ABCB1: variants seen among roughly 807,000 people sequenced by gnomAD.
ABCB1 encodes the protein ATP binding cassette subfamily B member 1.
Under a neutral mutation model 142.0 loss-of-function variants are expected in ABCB1, and 69 were observed. That is an observed-to-expected ratio of 0.49 (90% CI 0.40 to 0.59). The LOEUF is 0.59. ABCB1 is among the 20% of genes least tolerant of loss of function. The pLI, the probability that ABCB1 is intolerant of heterozygous loss-of-function variation, is 0.00. For synonymous variants in ABCB1, 532 were observed against 539.2 expected (o/e 0.99, Z 0.18); for missense variants, 1,326 against 1,554.7 (o/e 0.85, Z 2.47).
At chr7:87,637,010 G>A (rs541064023) in intron 1 of ABCB1, among the ~76,000 whole-genome samples, 1 of 152,276 alleles carries the variant, frequency 6.6e-6, no homozygotes, top group South Asian at 2.1e-4. Context: ...AAAGGGGGAA[G>A]CCCCTTATAA....
At chr7:87,552,836 C>T (rs1044135317) in intron 9 of ABCB1, among the ~76,000 whole-genome samples, 5 of 151,828 alleles carry the variant, frequency 3.3e-5, no homozygotes, top group African/African-American at 1.2e-4. Context: ...TCTGCTTGGC[C>T]TACGAAAAAG....
chr7:87,588,398 C>T lies in ABCB1; in HGVS notation c.118-2718G>A, dbSNP rs535035291. Among the ~76,000 whole-genome samples the T allele has an allele frequency of 7.9e-5, 12 of 152,286 alleles. No individual in the cohort carries two copies. In the East Asian group the frequency reaches 1.9e-3, roughly 24 times the overall value. On this transcript the variant is annotated intron_variant, in intron 3 of 27. Coordinates refer to ENST00000622132, the MANE Select transcript of ABCB1 (RefSeq NM_001348946.2). ...CCTCTAGGTGTCCATGTGTTCTCAT[C>T]ATTTAGCTCCCACTTTTAAGTGAGA...
At chr7:87,665,813 T>C (rs1825173926) in intron 1 of ABCB1, among the ~76,000 whole-genome samples, 1 of 152,122 alleles carries the variant, frequency 6.6e-6, no homozygotes, top group African/African-American at 2.4e-5. Flanking sequence ...GTTCCCGCAT[T>C]ATTTCACTTA....
intron 1 of ABCB1, among the ~76,000 whole-genome samples, chr7:87,658,614 G>T (rs1260934368): frequency 6.6e-6 from 1 of 152,024 alleles, no homozygotes; most frequent in Non-Finnish European, 1.5e-5. Flanking sequence ...TAAAGACAAA[G>T]AAAAAATGTT....
chr7:87,600,310 T>A (rs1221607524), intron 1 of ABCB1, 120 bp from the exon 2 acceptor site: 4 of 795,230 alleles, frequency 5.0e-6, no homozygotes, highest in Non-Finnish European at 8.6e-6. Flanking sequence ...CCGCCGTTGA[T>A]GCCCCAGCTG....
intron 1 of ABCB1, among the ~76,000 whole-genome samples, chr7:87,611,631 A>C (rs1203378138): frequency 6.6e-6 from 1 of 151,794 alleles, no homozygotes; most frequent in Non-Finnish European, 1.5e-5. Context: ...GTTAATAAGC[A>C]CCTAGGTTGA....
At chr7:87,547,744 C>T (rs1816848569) in intron 14 of ABCB1, among the ~76,000 whole-genome samples, 1 of 150,672 alleles carries the variant, frequency 6.6e-6, no homozygotes, top group Admixed American at 6.7e-5. Flanking sequence ...GCGGTGCATG[C>T]CTGTAATCCT....
At chr7:87,653,652 G>T (rs1823800034) in intron 1 of ABCB1, among the ~76,000 whole-genome samples, 1 of 151,862 alleles carries the variant, frequency 6.6e-6, no homozygotes, top group African/African-American at 2.4e-5. Context: ...TCTTTTTTCT[G>T]CTACTTTTTT....
rs949311722 is a variant in ABCB1, at chr7:87,679,610, G to A, written c.-331+33551C>T. 5.3e-5 allele frequency among the ~76,000 whole-genome samples: 8 copies of A among 150,028 alleles called. No individual in the cohort carries two copies. The South Asian group carries it at 1.5e-3, about 28-fold the overall frequency. On this transcript the variant is annotated intron_variant, in intron 1 of 28. Transcript: ENST00000265724. ...TCACTATGTTGCCCTGGCTGGTCTCGAACTACTGGGCTCAAGTGGTCCTCT... is the reference window on the plus strand; with the variant it reads ...TCACTATGTTGCCCTGGCTGGTCTCAAACTACTGGGCTCAAGTGGTCCTCT...
chr7:87,556,684 G>A (rs1817326292), intron 8 of ABCB1, among the ~76,000 whole-genome samples: 1 of 152,144 alleles, frequency 6.6e-6, no homozygotes, highest in South Asian at 2.1e-4. Context: ...TGGTCTCCCT[G>A]CTTCCACCCT....
Position 87,518,417 on chromosome 7 carries a change from T to A in ABCB1, c.2927+909A>T, listed in dbSNP as rs138797335. Among the ~76,000 whole-genome samples, 92 of 152,306 alleles carry A rather than the reference T, an allele frequency of 6.0e-4. 1 individual carries two copies. In the Middle Eastern group the frequency reaches 0.014, roughly 23 times the overall value. On this transcript the variant is annotated intron_variant, in intron 23 of 27. Transcript: ENST00000622132. ...AATAATTATCTAATCAAAGCCCCAATGCCAGTGATACTTGGTTTTGATCTC... is the reference window on the plus strand; with the variant it reads ...AATAATTATCTAATCAAAGCCCCAAAGCCAGTGATACTTGGTTTTGATCTC...
chr7:87,613,275 T>TTTTTTTTG, intron 1 of ABCB1, among the ~76,000 whole-genome samples: 1 of 145,974 alleles, frequency 6.9e-6, no homozygotes, highest in African/African-American at 2.5e-5. Flanking sequence ...TTTTTTTTTT[T>TTTTTTTTG]TTTTTTGCCT....
At chr7:87,615,460 A>C (rs969745812) in intron 1 of ABCB1, among the ~76,000 whole-genome samples, 2 of 152,196 alleles carry the variant, frequency 1.3e-5, no homozygotes, top group African/African-American at 2.4e-5. Flanking sequence ...ACTCTGAGTG[A>C]GAGAGAAAAC....
intron 1 of ABCB1, among the ~76,000 whole-genome samples, chr7:87,712,368 C>T (rs1830165725): frequency 6.6e-6 from 1 of 151,872 alleles, no homozygotes; most frequent in Admixed American, 6.6e-5. Flanking sequence ...ACTTGATAAG[C>T]ATTGAGGATA....
intron 14 of ABCB1, 53 bp downstream of exon 14, chr7:87,549,295 T>C (rs1816941137): frequency 1.9e-6 from 3 of 1,608,698 alleles, no homozygotes; most frequent in African/African-American, 2.7e-5. Flanking sequence ...GAATTAGTAG[T>C]AGAATGTTCT....
intron 1 of ABCB1, among the ~76,000 whole-genome samples, chr7:87,678,289 G>T (rs1018392810): frequency 6.6e-6 from 1 of 152,170 alleles, no homozygotes; most frequent in Non-Finnish European, 1.5e-5. Flanking sequence ...TTATGGCATT[G>T]CTGGGGAAGG....
chr7:87,536,808 T>C (rs544270565), intron 19 of ABCB1, among the ~76,000 whole-genome samples: 3 of 152,206 alleles, frequency 2.0e-5, no homozygotes, highest in African/African-American at 7.2e-5. Flanking sequence ...ACAAAGTAGC[T>C]GCTTTCATGA....
At chr7:87,582,597 A>C (rs1022480178) in intron 4 of ABCB1, among the ~76,000 whole-genome samples, 3 of 152,314 alleles carry the variant, frequency 2.0e-5, no homozygotes, top group East Asian at 3.9e-4. Flanking sequence ...ACCTTTTTCT[A>C]TAAAGGGCCA....
intron 3 of ABCB1, among the ~76,000 whole-genome samples, chr7:87,589,845 G>GGAGA (rs1818922306): frequency 5.5e-5 from 6 of 108,180 alleles, no homozygotes; most frequent in African/African-American, 2.5e-4. Context: ...AGGGAGAGAG[G>GGAGA]GAGGGAGAGA....
Sources: gnomAD v4.1 joint callset for allele counts (sites outside exome capture counted in the v4.1 genomes callset) on GRCh38, gnomAD v4.1.1 for gene constraint, MANE v1.5 for transcripts, NCBI Gene and HGNC (gene_info 2026-07-23, HGNC 2026-07-21) for gene names.